CNTN5: variants seen among roughly 807,000 people sequenced by gnomAD.
CNTN5 encodes contactin-5.
A neutral mutation model predicts 129.1 loss-of-function variants in CNTN5; 77 were observed. The observed-to-expected ratio is 0.60, with a 90% CI of 0.50 to 0.72. The LOEUF (loss-of-function observed/expected upper bound fraction) is 0.72. Ranked by LOEUF, CNTN5 falls within the 30% of genes least tolerant of loss-of-function variation. The pLI is 0.00. For synonymous variants in CNTN5, 509 were observed against 465.6 expected, an observed-to-expected ratio of 1.09 and a Z score of -1.20; for missense variants, 1,478 against 1,328.8, an observed-to-expected ratio of 1.11 and a Z score of -1.75.
At chr11:99,290,072 T>C (rs574045641) in intron 1 of CNTN5, among the ~76,000 whole-genome samples, 1 of 151,974 alleles carries the variant, frequency 6.6e-6, no homozygotes, top group South Asian at 2.1e-4. Flanking sequence ...ATATTTTTAA[T>C]ACCTCCAGAA....
chr11:100,255,000 T>G (rs889551087), intron 16 of CNTN5, among the ~76,000 whole-genome samples: 1 of 152,164 alleles, frequency 6.6e-6, no homozygotes, highest in African/African-American at 2.4e-5. Context: ...TCAAATCTGG[T>G]TATAATTCGT....
At chr11:100,264,192 T>C (rs1950256367) in intron 17 of CNTN5, among the ~76,000 whole-genome samples, 1 of 152,148 alleles carries the variant, frequency 6.6e-6, no homozygotes, top group South Asian at 2.1e-4. Flanking sequence ...ATCTTTATCT[T>C]TCTAATATTA....
At chr11:99,222,462 G>A (rs1774730689) in intron 1 of CNTN5, among the ~76,000 whole-genome samples, 1 of 151,638 alleles carries the variant, frequency 6.6e-6, no homozygotes, top group African/African-American at 2.4e-5. Context: ...TTGCTCAGAT[G>A]GTTTATATAT....
rs139269125 is a variant in CNTN5 at position 100,031,039 on chromosome 11, T to G, written c.980+28903T>G. 1.1e-3 allele frequency among the ~76,000 whole-genome samples: 175 copies of G among 152,302 alleles called. 1 individual carries two copies. The highest frequency in any genetic ancestry group is 4.1e-3 in the African/African-American group (170 of 41,576). On this transcript the variant is annotated intron_variant, in intron 9 of 24. Coordinates refer to ENST00000524871, the MANE Select transcript of CNTN5 (RefSeq NM_014361.4). ...TTAGTACCATTGCTCCCCTACACTT[T>G]CCACTGCACAGTCTATAGGTGCTAG...
At chr11:99,160,008 GAACAA>G (rs1220411891) in intron 1 of CNTN5, among the ~76,000 whole-genome samples, 1 of 152,068 alleles carries the variant, frequency 6.6e-6, no homozygotes, top group African/African-American at 2.4e-5. Context: ...GAGCACAGGT[GAACAA>G]AACAAGAGTA....
chr11:99,856,938 A>C (rs1565610523), intron 6 of CNTN5, among the ~76,000 whole-genome samples: 1 of 151,956 alleles, frequency 6.6e-6, no homozygotes, highest in Non-Finnish European at 1.5e-5. Flanking sequence ...CCTGCTGGGC[A>C]ACTGTTCAAT....
chr11:99,448,496 G>A (rs1944161444), intron 2 of CNTN5, among the ~76,000 whole-genome samples: 4 of 151,908 alleles, frequency 2.6e-5, no homozygotes, highest in South Asian at 2.1e-4. Context: ...GAAACCTTTC[G>A]ATTTTATAAA....
At chr11:99,309,459 C>A (rs1239188707) in intron 1 of CNTN5, among the ~76,000 whole-genome samples, 4 of 152,222 alleles carry the variant, frequency 2.6e-5, no homozygotes, top group African/African-American at 9.6e-5. Flanking sequence ...CTCCCAACAA[C>A]AAAAGACTCT....
At chr11:99,523,694 CAGAAT>C (rs1191475155) in intron 2 of CNTN5, among the ~76,000 whole-genome samples, 352 of 77,954 alleles carry the variant, frequency 4.5e-3, no homozygotes, top group South Asian at 0.028. Context: ...CAGAACAGAA[CAGAAT>C]AGAACAGAAT....
chr11:99,366,111 A>G (rs1591579896), intron 2 of CNTN5, among the ~76,000 whole-genome samples: 2 of 152,218 alleles, frequency 1.3e-5, no homozygotes, highest in Admixed American at 1.3e-4. Context: ...CCTGGCTTCA[A>G]TACAAAGTGG....
chr11:100,201,144 A>G (rs1948768524), intron 15 of CNTN5, among the ~76,000 whole-genome samples: 1 of 151,952 alleles, frequency 6.6e-6, no homozygotes, highest in South Asian at 2.1e-4. Flanking sequence ...AGTGATGTTT[A>G]TTAAACCAAA....
chr11:99,190,211 T>C (rs926206433), intron 1 of CNTN5, among the ~76,000 whole-genome samples: 1 of 151,714 alleles, frequency 6.6e-6, no homozygotes, highest in East Asian at 1.9e-4. Context: ...CATAAACACA[T>C]GGATTTATTT....
chr11:100,104,430 T>A (rs1221650137), intron 13 of CNTN5, among the ~76,000 whole-genome samples: 1 of 152,052 alleles, frequency 6.6e-6, no homozygotes, highest in Non-Finnish European at 1.5e-5. Context: ...ATAGTGTCAT[T>A]AGGTACTATA....
chr11:99,767,290 A>G (rs1944787498), intron 3 of CNTN5, among the ~76,000 whole-genome samples: 1 of 152,098 alleles, frequency 6.6e-6, no homozygotes, highest in South Asian at 2.1e-4. Flanking sequence ...GGTAATTATT[A>G]AATCAGAGAG....
At chr11:100,187,839 G>A (rs1948349403) in intron 13 of CNTN5, among the ~76,000 whole-genome samples, 1 of 152,088 alleles carries the variant, frequency 6.6e-6, no homozygotes, top group African/African-American at 2.4e-5. Flanking sequence ...AAGAATCCTA[G>A]AAGAAAAACT....
chr11:99,301,890 C>T (rs767433915), intron 1 of CNTN5, among the ~76,000 whole-genome samples: 8 of 151,304 alleles, frequency 5.3e-5, no homozygotes, highest in Non-Finnish European at 1.2e-4. Context: ...GGACTCAAAA[C>T]ACAATGTAAT....
chr11:99,139,105 C>A (rs1484937946), intron 1 of CNTN5, among the ~76,000 whole-genome samples: 1 of 1,940 alleles, frequency 5.2e-4, no homozygotes, highest in Non-Finnish European at 8.6e-4. Context: ...CTCCCCACCC[C>A]CCCCCCCCAA....
chr11:99,542,828 G>A (rs1334094723), intron 2 of CNTN5, among the ~76,000 whole-genome samples: 1 of 152,188 alleles, frequency 6.6e-6, no homozygotes, highest in Non-Finnish European at 1.5e-5. Flanking sequence ...GAAATCACAT[G>A]GCCCAAGCTA....
chr11:100,307,888 T>A (rs1174037590), intron 20 of CNTN5, among the ~76,000 whole-genome samples: 1 of 151,672 alleles, frequency 6.6e-6, no homozygotes, highest in African/African-American at 2.4e-5. Flanking sequence ...ATCTATGAGA[T>A]AAATACTCTC....
Sources: allele counts gnomAD v4.1 joint callset (sites outside exome capture counted in the v4.1 genomes callset), GRCh38; gene constraint gnomAD v4.1.1; transcripts MANE v1.5; gene names NCBI Gene and HGNC (gene_info 2026-07-23, HGNC 2026-07-21).